SPAAR: variants seen among roughly 807,000 people sequenced by gnomAD.
The protein encoded by SPAAR is small regulatory polypeptide of amino acid response.
For missense variants in SPAAR, 59 were observed against 39.9 expected (o/e 1.48, Z -1.29); for synonymous variants, 27 against 15.9 (o/e 1.70, Z -1.66).
Position 35,910,697 on chromosome 9 carries a change from G to A in SPAAR, c.*6G>A, listed in dbSNP as rs996052005. The A allele has an allele frequency of 2.9e-6, 2 of 683,908 alleles. No individual in the cohort carries two copies. The highest frequency in any genetic ancestry group is 3.1e-5 in the South Asian group (2 of 64,038). The allele number at this position is 683,908 out of a possible 1,614,324, so 42.4% of individuals were successfully genotyped here. A position where few individuals can be genotyped will look rare whatever the true frequency, so the allele number is the denominator to read the frequency against. ...ACTTCTGGACCTTCATGTGACGCCC[G>A]AGTCCCCAGGATTTGCTGTGCTGAT... On this transcript the variant is annotated 3_prime_UTR_variant, in exon 2 of 2. Coordinates refer to ENST00000443779, the MANE Select transcript of SPAAR (RefSeq NM_001348107.3).
chr9:35,910,570 AG>A lies in SPAAR; in HGVS notation c.113del (p.Gly38ValfsTer121). On this transcript the variant is annotated frameshift_variant, in exon 2 of 2. Coordinates refer to ENST00000443779, the MANE Select transcript of SPAAR (RefSeq NM_001348107.3). LOFTEE classifies it low-confidence loss of function (END_TRUNC). ...FSCDSRAQDP[Q>X]GGPGRSFTVA... The stretch of plus-strand genomic sequence containing the variant: ...TGTGACTCAAGGGCCCAGGATCCTC[AG>A]GGGGGTCCTGGCCGCAGCTTCACGG... 1 of 702,314 alleles carries A rather than the reference AG, an allele frequency of 1.4e-6. No individual in the cohort carries two copies. Among genetic ancestry groups the A allele is most frequent in the Non-Finnish European group, 2.6e-6 (1 of 384,780 alleles). 43.5% of individuals were successfully genotyped at this position (702,314 alleles called of 1,614,324 possible).
chr9:35,910,174 C>A lies in SPAAR; in HGVS notation c.-290C>A, dbSNP rs201372441. On this transcript the variant is annotated 5_prime_UTR_variant, in exon 2 of 2. Coordinates refer to ENST00000443779, the MANE Select transcript of SPAAR (RefSeq NM_001348107.3). ...GTGTCCAGGGAATCTGTGCTCACGT[C>A]TTCCAGGACAGTGCTTCTTCTAGAA... 6.2e-5 allele frequency: 31 copies of A among 497,916 alleles called. No individual in the cohort carries two copies. The East Asian group carries it at 1.0e-3, about 17-fold the overall frequency. The allele number at this position is 497,916 out of a possible 1,614,324, so 30.8% of individuals were successfully genotyped here. A position where few individuals can be genotyped will look rare whatever the true frequency, so the allele number is the denominator to read the frequency against.
chr9:35,910,923 T>A lies in SPAAR; in HGVS notation c.*232T>A. The A allele has an allele frequency of 2.0e-6, 1 of 508,112 alleles. No homozygotes were observed. The highest frequency in any genetic ancestry group is 3.5e-6 in the Non-Finnish European group (1 of 283,446). 31.5% of individuals were successfully genotyped at this position (508,112 alleles called of 1,614,324 possible). A position where few individuals can be genotyped will look rare whatever the true frequency, so the allele number is the denominator to read the frequency against. ...CCCACAGGATGGGGCTTAGGAGAGCTCTGAGGAGTGAGTGAACAGACAGCG... is the reference window on the plus strand; with the variant it reads ...CCCACAGGATGGGGCTTAGGAGAGCACTGAGGAGTGAGTGAACAGACAGCG... On this transcript the variant is annotated 3_prime_UTR_variant, in exon 2 of 2. Transcript: ENST00000443779.
At position 35,911,002 on chromosome 9, in the gene SPAAR, A is replaced by T; in HGVS notation, c.*311A>T. ...GATCTACACCAGGAACTGAAATATC[A>T]CTGGAATTTATTGTAAACGGTGTGC... is the stretch of plus-strand genomic sequence containing the variant. On this transcript the variant is annotated 3_prime_UTR_variant, in exon 2 of 2. Coordinates refer to ENST00000443779, the MANE Select transcript of SPAAR (RefSeq NM_001348107.3). 3.0e-6 allele frequency: 1 copy of T among 330,460 alleles called. No individual in the cohort carries two copies. Among genetic ancestry groups the T allele is most frequent in the South Asian group, 5.1e-5 (1 of 19,482 alleles). The allele number at this position is 330,460 out of a possible 1,614,324, so 20.5% of individuals were successfully genotyped here. A position where few individuals can be genotyped will look rare whatever the true frequency, so the allele number is the denominator to read the frequency against.
chr9:35,910,975 C>CAACG lies in SPAAR; in HGVS notation c.*284_*285insAACG. 3.8e-6 allele frequency: 1 copy of CAACG among 265,512 alleles called. No homozygotes were observed. Among genetic ancestry groups the CAACG allele is most frequent in the Admixed American group, 6.0e-5 (1 of 16,716 alleles). 16.4% of individuals were successfully genotyped at this position (265,512 alleles called of 1,614,324 possible). On this transcript the variant is annotated 3_prime_UTR_variant, in exon 2 of 2. Coordinates refer to ENST00000443779, the MANE Select transcript of SPAAR (RefSeq NM_001348107.3). ...CGGAGTGCACGGTGGGCCGGCTCTGCTGATCTACACCAGGAACTGAAATAT... is the reference window on the plus strand; with the variant it reads ...CGGAGTGCACGGTGGGCCGGCTCTGCAACGTGATCTACACCAGGAACTGAAATAT...
At position 35,910,535 on chromosome 9, in the gene SPAAR, C is replaced by T. The variant is rs1347707079; in HGVS notation, c.72C>T (p.Cys24=). Residue 24 remains cysteine, a synonymous_variant, in exon 2 of 2, where the codon TGC becomes TGT. Transcript: ENST00000443779. Reference sequence around the variant, plus strand: ...CTGTGGCCATCACCTGCGTCCTCTGCTGCTTCAGCTGTGACTCAAGGGCCC... The same window carrying T: ...CTGTGGCCATCACCTGCGTCCTCTGTTGCTTCAGCTGTGACTCAAGGGCCC... The part of the protein sequence containing the change: ...VVTVAITCVL[C]CFSCDSRAQD... 2 of 702,910 alleles carry T rather than the reference C, an allele frequency of 2.8e-6. No individual in the cohort carries two copies. Among genetic ancestry groups the T allele is most frequent in the Admixed American group, 2.0e-5 (1 of 50,004 alleles). The allele number at this position is 702,910 out of a possible 1,614,324, so 43.5% of individuals were successfully genotyped here.
rs1833151461 is a variant in SPAAR at position 35,910,364 on chromosome 9, A to G, written c.-100A>G. ...CAGCATCTTCTTAGGAGACGGAAGG[A>G]GAGCCGCCGGAGGAGCACGGGGCAC... On this transcript the variant is annotated 5_prime_UTR_variant, in exon 2 of 2. Coordinates refer to ENST00000443779, the MANE Select transcript of SPAAR (RefSeq NM_001348107.3). The G allele has an allele frequency of 1.5e-6, 1 of 677,734 alleles. No homozygotes were observed. The highest frequency in any genetic ancestry group is 2.7e-6 in the Non-Finnish European group (1 of 372,730). 42.0% of individuals were successfully genotyped at this position (677,734 alleles called of 1,614,324 possible). A position where few individuals can be genotyped will look rare whatever the true frequency, so the allele number is the denominator to read the frequency against.
In SPAAR at chr9:35,910,599, GCCACGTTT is replaced by G. The variant is rs1833155235; in HGVS notation, c.138_145del (p.Thr47ProfsTer66). 1 of 702,852 alleles carries G rather than the reference GCCACGTTT, an allele frequency of 1.4e-6. No homozygotes were observed. Among genetic ancestry groups the G allele is most frequent in the Admixed American group, 2.0e-5 (1 of 49,980 alleles). The allele number at this position is 702,852 out of a possible 1,614,324, so 43.5% of individuals were successfully genotyped here. A position where few individuals can be genotyped will look rare whatever the true frequency, so the allele number is the denominator to read the frequency against. The stretch of plus-strand genomic sequence containing the variant: ...GGGTCCTGGCCGCAGCTTCACGGTG[GCCACGTTT>G]CGCCAGGAAGCTTCTCTCTTCACGG... On this transcript the variant is annotated frameshift_variant, in exon 2 of 2. Coordinates refer to ENST00000443779, the MANE Select transcript of SPAAR (RefSeq NM_001348107.3). LOFTEE classifies it low-confidence loss of function (END_TRUNC).
rs537095517 is a variant in SPAAR at position 35,910,231 on chromosome 9, G to T, written c.-233G>T. 41 of 579,146 alleles carry T rather than the reference G, an allele frequency of 7.1e-5. No homozygotes were observed. The African/African-American group carries it at 7.7e-4, about 11-fold the overall frequency. 35.9% of individuals were successfully genotyped at this position (579,146 alleles called of 1,614,324 possible). A position where few individuals can be genotyped will look rare whatever the true frequency, so the allele number is the denominator to read the frequency against. On this transcript the variant is annotated 5_prime_UTR_variant, in exon 2 of 2. Transcript: ENST00000443779. ...ATGGAGCTGACCACAGCTCTTGGAG[G>T]CATGGCCTGAGGCTTAGAAAATAGA...
At position 35,910,304 on chromosome 9, in the gene SPAAR, A is replaced by G. The variant is rs535903992; in HGVS notation, c.-160A>G. 2 of 611,448 alleles carry G rather than the reference A, an allele frequency of 3.3e-6. No individual in the cohort carries two copies. Among genetic ancestry groups the G allele is most frequent in the East Asian group, 5.5e-5 (2 of 36,546 alleles). The allele number at this position is 611,448 out of a possible 1,614,324, so 37.9% of individuals were successfully genotyped here. ...CAGTGGGGCCACGTGGCAGCGCCCG[A>G]AGGCCTGGAGCAGGAGCGACCCAGG... On this transcript the variant is annotated 5_prime_UTR_variant, in exon 2 of 2. Coordinates refer to ENST00000443779, the MANE Select transcript of SPAAR (RefSeq NM_001348107.3).
Position 35,910,705 on chromosome 9 carries a change from A to G in SPAAR, c.*14A>G, listed in dbSNP as rs1833156694. 1 of 680,150 alleles carries G rather than the reference A, an allele frequency of 1.5e-6. No homozygotes were observed. Among genetic ancestry groups the G allele is most frequent in the African/African-American group, 1.8e-5 (1 of 56,848 alleles). 42.1% of individuals were successfully genotyped at this position (680,150 alleles called of 1,614,324 possible). A position where few individuals can be genotyped will look rare whatever the true frequency, so the allele number is the denominator to read the frequency against. Reference sequence around the variant, plus strand: ...ACCTTCATGTGACGCCCGAGTCCCCAGGATTTGCTGTGCTGATGGGTCAGA... The same window carrying G: ...ACCTTCATGTGACGCCCGAGTCCCCGGGATTTGCTGTGCTGATGGGTCAGA... On this transcript the variant is annotated 3_prime_UTR_variant, in exon 2 of 2. Coordinates refer to ENST00000443779, the MANE Select transcript of SPAAR (RefSeq NM_001348107.3).
rs1443753045 is a variant in SPAAR, at chr9:35,910,291, G to A, written c.-173G>A. The A allele has an allele frequency of 8.2e-6, 5 of 607,034 alleles. No individual in the cohort carries two copies. Among genetic ancestry groups the A allele is most frequent in the Non-Finnish European group, 1.5e-5 (5 of 341,474 alleles). The allele number at this position is 607,034 out of a possible 1,614,324, so 37.6% of individuals were successfully genotyped here. A position where few individuals can be genotyped will look rare whatever the true frequency, so the allele number is the denominator to read the frequency against. On this transcript the variant is annotated 5_prime_UTR_variant, in exon 2 of 2. The change creates a new upstream start codon in the 5' untranslated region. Transcript: ENST00000443779. ...TCTGAGATTTCAGCAGTGGGGCCAC[G>A]TGGCAGCGCCCGAAGGCCTGGAGCA...
In SPAAR at chr9:35,911,375, A is replaced by G. The variant is rs999460994; in HGVS notation, c.*684A>G. ...AAGCCAGAAATAAGATATTTTAAAC[A>G]TATTTTTAATGAGACTTTATTGCTA... On this transcript the variant is annotated 3_prime_UTR_variant, in exon 2 of 2. Transcript: ENST00000443779. 2.0e-5 allele frequency: 3 copies of G among 152,214 alleles called. No individual in the cohort carries two copies. Among genetic ancestry groups the G allele is most frequent in the African/African-American group, 7.2e-5 (3 of 41,454 alleles). The allele number at this position is 152,214 out of a possible 1,614,324, so 9.4% of individuals were successfully genotyped here. A position where few individuals can be genotyped will look rare whatever the true frequency, so the allele number is the denominator to read the frequency against.
rs145082985 is a variant in SPAAR at position 35,911,225 on chromosome 9, T to C, written c.*534T>C. ...AGAGCTGCTTCCTGAGAACAAGTTA[T>C]TTACCTTAGAATTGAAAATGTATAT... On this transcript the variant is annotated 3_prime_UTR_variant, in exon 2 of 2. Transcript: ENST00000443779. 2.2e-3 allele frequency: 344 copies of C among 153,200 alleles called. No homozygotes were observed. The highest frequency in any genetic ancestry group is 6.8e-3 in the Middle Eastern group (2 of 294). The allele number at this position is 153,200 out of a possible 1,614,324, so 9.5% of individuals were successfully genotyped here.
chr9:35,911,250 T>C lies in SPAAR; in HGVS notation c.*559T>C, dbSNP rs1187800514. ...TTTACCTTAGAATTGAAAATGTATATCCTTTTATGGGCCTTTCCAAATCTG... is the reference window on the plus strand; with the variant it reads ...TTTACCTTAGAATTGAAAATGTATACCCTTTTATGGGCCTTTCCAAATCTG... On this transcript the variant is annotated 3_prime_UTR_variant, in exon 2 of 2. Coordinates refer to ENST00000443779, the MANE Select transcript of SPAAR (RefSeq NM_001348107.3). The C allele has an allele frequency of 6.6e-6, 1 of 152,520 alleles. No homozygotes were observed. Among genetic ancestry groups the C allele is most frequent in the African/African-American group, 2.4e-5 (1 of 41,408 alleles). The allele number at this position is 152,520 out of a possible 1,614,324, so 9.4% of individuals were successfully genotyped here.
In SPAAR at chr9:35,911,096, CT is replaced by C. The variant is rs1336766138; in HGVS notation, c.*407del. On this transcript the variant is annotated 3_prime_UTR_variant, in exon 2 of 2. Coordinates refer to ENST00000443779, the MANE Select transcript of SPAAR (RefSeq NM_001348107.3). ...AAGTGGACATTTCTAGAAACCGCTT[CT>C]TACTTGCTCCTAATTGATTACTTTT... 14 of 178,088 alleles carry C rather than the reference CT, an allele frequency of 7.9e-5. No homozygotes were observed. The highest frequency in any genetic ancestry group is 1.1e-4 in the Admixed American group (2 of 18,124). 11.0% of individuals were successfully genotyped at this position (178,088 alleles called of 1,614,324 possible). A position where few individuals can be genotyped will look rare whatever the true frequency, so the allele number is the denominator to read the frequency against.
At chr9:35,910,018 T>G in intron 1 of SPAAR, 139 bp from the exon 2 acceptor site, 1 of 172,524 alleles carries the variant, frequency 5.8e-6, no homozygotes, top group Non-Finnish European at 1.3e-5. Context: ...CCTGCATCCA[T>G]AGTAGGGGGA....
At position 35,910,949 on chromosome 9, in the gene SPAAR, CCGG is replaced by C; in HGVS notation, c.*259_*261del. On this transcript the variant is annotated 3_prime_UTR_variant, in exon 2 of 2. Coordinates refer to ENST00000443779, the MANE Select transcript of SPAAR (RefSeq NM_001348107.3). ...CTGAGGAGTGAGTGAACAGACAGCG[CCGG>C]AGTGCACGGTGGGCCGGCTCTGCTG... 1 of 456,360 alleles carries C rather than the reference CCGG, an allele frequency of 2.2e-6. No individual in the cohort carries two copies. The highest frequency in any genetic ancestry group is 3.9e-6 in the Non-Finnish European group (1 of 256,694). 28.3% of individuals were successfully genotyped at this position (456,360 alleles called of 1,614,324 possible).
Position 35,910,476 on chromosome 9 carries a change from G to A in SPAAR, c.13G>A (p.Val5Met), listed in dbSNP as rs1453507739. META[V>M]IGVVVVLFVV... ...TGCTCAGTGGGCCATGGAAACGGCA[G>A]TGATTGGGGTGGTGGTGGTGCTGTT... The change falls in exon 2 of 2, where the codon GTG becomes ATG. Residue 5 changes from valine (V) to methionine (M), a missense_variant. Coordinates refer to ENST00000443779, the MANE Select transcript of SPAAR (RefSeq NM_001348107.3). 2 of 702,996 alleles carry A rather than the reference G, an allele frequency of 2.8e-6. No individual in the cohort carries two copies. The highest frequency in any genetic ancestry group is 3.5e-5 in the African/African-American group (2 of 57,274). 43.5% of individuals were successfully genotyped at this position (702,996 alleles called of 1,614,324 possible).
Sources: allele counts gnomAD v4.1 joint callset, GRCh38; gene constraint gnomAD v4.1.1; transcripts MANE v1.5; gene names NCBI Gene and HGNC (gene_info 2026-07-23, HGNC 2026-07-21).